The following DMD variants were observed in gnomAD, a reference collection of about 807,000 sequenced individuals.
DMD encodes mutant dystrophin.
A neutral mutation model predicts 330.1 loss-of-function variants in DMD; 63 were observed. The ratio of observed to expected loss-of-function variants is 0.19; its 90% CI spans 0.16 to 0.24. The LOEUF (loss-of-function observed/expected upper bound fraction) is 0.24. Ranked by LOEUF, DMD falls within the 10% of genes least tolerant of loss-of-function variation. The pLI is 1.00. For missense variants in DMD, 3,344 were observed against 2,684.1 expected (o/e 1.25, Z -5.43); for synonymous variants, 1,223 against 959.8 (o/e 1.27, Z -5.07).
At chrX:33,031,422 A>T (rs922869692) in intron 1 of DMD, among the ~76,000 whole-genome samples, 2 of 110,689 alleles carry the variant, frequency 1.8e-5, no homozygotes, top group African/African-American at 6.6e-5. Flanking sequence ...TGCTCTCTGT[A>T]GTGGAATTTG....
At chrX:32,806,253 T>C (rs1408432287) in intron 7 of DMD, among the ~76,000 whole-genome samples, 1 of 108,410 alleles carries the variant, frequency 9.2e-6, no homozygotes, top group Non-Finnish European at 1.9e-5. Context: ...ACCAAGCAAA[T>C]GGAAAGCAAA....
Position 32,781,277 on chromosome X carries a change from G to A in DMD, c.649+28216C>T, listed in dbSNP as rs146626188. 5.6e-3 allele frequency among the ~76,000 whole-genome samples: 623 copies of A among 111,257 alleles called. 6 individuals are homozygous for A. Among genetic ancestry groups the A allele is most frequent in the African/African-American group, 0.019 (588 of 30,583 alleles). On this transcript the variant is annotated intron_variant, in intron 7 of 78. Transcript: ENST00000357033. Reference sequence around the variant, plus strand: ...GTGATAGGCCAGCAGTACTATGGTGGGAACAAACTCCACTGGAACATTAAG... The same window carrying A: ...GTGATAGGCCAGCAGTACTATGGTGAGAACAAACTCCACTGGAACATTAAG...
chrX:33,049,266 T>C (rs1359082260), intron 1 of DMD, among the ~76,000 whole-genome samples: 3 of 111,975 alleles, frequency 2.7e-5, no homozygotes, highest in Admixed American at 1.9e-4. Context: ...CATCCTGGAA[T>C]GTATTTAGGT....
intron 1 of DMD, among the ~76,000 whole-genome samples, chrX:33,035,911 G>T (rs1326280523): frequency 8.9e-6 from 1 of 111,891 alleles, no homozygotes; most frequent in Non-Finnish European, 1.9e-5. Context: ...GAACATTATT[G>T]ATTGGCAAAG....
chrX:32,331,300 A>G (rs933562198), intron 41 of DMD, among the ~76,000 whole-genome samples: 1 of 111,824 alleles, frequency 8.9e-6, no homozygotes, highest in Non-Finnish European at 1.9e-5. Context: ...TATCAAATGT[A>G]ATAATTTTTC....
intron 44 of DMD, among the ~76,000 whole-genome samples, chrX:32,055,270 T>C (rs1226453554): frequency 8.9e-6 from 1 of 112,035 alleles, no homozygotes; most frequent in Non-Finnish European, 1.9e-5. Flanking sequence ...TTCCATATTC[T>C]GGTAAATTAA....
At chrX:32,043,226 A>G (rs1376281824) in intron 44 of DMD, among the ~76,000 whole-genome samples, 1 of 112,249 alleles carries the variant, frequency 8.9e-6, no homozygotes, top group East Asian at 2.8e-4. Context: ...AGAAAAATGG[A>G]AATGCTCTAA....
At chrX:31,239,933 C>G (rs898300682) in intron 63 of DMD, among the ~76,000 whole-genome samples, 2 of 111,540 alleles carry the variant, frequency 1.8e-5, no homozygotes, top group Admixed American at 1.9e-4. Context: ...TTAGACGTGC[C>G]GCCTTTAAGA....
At chrX:33,100,907 A>T (rs5927141) in intron 1 of DMD, among the ~76,000 whole-genome samples, 47,966 of 109,749 alleles carry the variant, frequency 0.44, 8,154 homozygotes, top group Non-Finnish European at 0.52. Flanking sequence ...CTCCTAGGAA[A>T]TGCCTAGATT....
At chrX:32,903,161 A>AAG (rs1252105055) in intron 2 of DMD, among the ~76,000 whole-genome samples, 4 of 101,251 alleles carry the variant, frequency 4.0e-5, no homozygotes, top group Admixed American at 1.1e-4. Flanking sequence ...AAAAAAAAAA[A>AAG]AAAAGAAACT....
chrX:33,063,499 G>A (rs1213229270), intron 1 of DMD, among the ~76,000 whole-genome samples: 2 of 111,718 alleles, frequency 1.8e-5, no homozygotes, highest in Non-Finnish European at 3.8e-5. Flanking sequence ...GGTAAGGCTC[G>A]AGTTATGAAA....
intron 52 of DMD, among the ~76,000 whole-genome samples, chrX:31,694,839 G>A (rs78940635): frequency 0.16 from 17,028 of 107,258 alleles, 1,180 homozygotes; most frequent in East Asian, 0.35. Flanking sequence ...AATTAGTAAC[G>A]GCCTCCATAA....
chrX:32,714,152 A>G (rs1370790167), intron 7 of DMD, among the ~76,000 whole-genome samples: 1 of 111,813 alleles, frequency 8.9e-6, no homozygotes, highest in Non-Finnish European at 1.9e-5. Context: ...GTCAGGGACC[A>G]TCTAGATCTT....
intron 1 of DMD, among the ~76,000 whole-genome samples, chrX:33,075,033 G>A (rs1232023545): frequency 8.9e-6 from 1 of 112,041 alleles, no homozygotes; most frequent in Non-Finnish European, 1.9e-5. Context: ...CTGCTGCGGT[G>A]TAGACATACA....
intron 43 of DMD, among the ~76,000 whole-genome samples, chrX:32,244,101 C>A (rs866302676): frequency 2.8e-5 from 2 of 70,491 alleles, no homozygotes; most frequent in East Asian, 1.2e-3. Context: ...GCTATCCCTC[C>A]CCCCTCCCCC....
intron 7 of DMD, among the ~76,000 whole-genome samples, chrX:32,720,659 G>T (rs1186162308): frequency 9.0e-6 from 1 of 111,537 alleles, no homozygotes; most frequent in Non-Finnish European, 1.9e-5. Flanking sequence ...ACATATTTTA[G>T]ATAAATATTA....
intron 59 of DMD, among the ~76,000 whole-genome samples, chrX:31,469,734 A>T (rs748566940): frequency 8.9e-6 from 1 of 111,760 alleles, no homozygotes; most frequent in African/African-American, 3.3e-5. Context: ...AGGTTGGGGA[A>T]GTTCTCCTGG....
At chrX:32,761,560 A>T (rs1197202186) in intron 7 of DMD, among the ~76,000 whole-genome samples, 1 of 112,107 alleles carries the variant, frequency 8.9e-6, no homozygotes, top group East Asian at 2.8e-4. Context: ...TCAAAGTCAG[A>T]TGCCATAAAT....
chrX:31,407,829 A>G (rs2061472132), intron 60 of DMD, among the ~76,000 whole-genome samples: 1 of 110,817 alleles, frequency 9.0e-6, no homozygotes, highest in African/African-American at 3.3e-5. Context: ...AATCATCCAT[A>G]GTATAATTTT....
Sources: allele counts gnomAD v4.1 joint callset (sites outside exome capture counted in the v4.1 genomes callset), GRCh38; gene constraint gnomAD v4.1.1; transcripts MANE v1.5; gene names NCBI Gene and HGNC (gene_info 2026-07-23, HGNC 2026-07-21).